HEXB: variants seen among roughly 807,000 people sequenced by gnomAD.
The protein encoded by HEXB is hexosaminidase subunit beta.
HEXB carries 51 observed loss-of-function variants against 71.2 expected under a neutral mutation model. That is an observed-to-expected ratio of 0.72 (90% CI 0.57 to 0.90). HEXB has a LOEUF of 0.90. Among genes scored for constraint, HEXB ranks in the 40% least tolerant of loss-of-function variants. The pLI is 0.00. For missense variants in HEXB, 617 were observed against 677.0 expected (o/e 0.91, Z 0.98); for synonymous variants, 266 against 249.3 (o/e 1.07, Z -0.63).
intron 1 of HEXB, among the ~76,000 whole-genome samples, chr5:74,647,730 G>C (rs927287800): frequency 6.6e-6 from 1 of 152,202 alleles, no homozygotes; most frequent in African/African-American, 2.4e-5. Flanking sequence ...TGACATATCA[G>C]GAGGAAATGG....
intron 6 of HEXB, 111 bp from the exon 7 acceptor site, chr5:74,713,395 T>C: frequency 1.0e-6 from 1 of 981,012 alleles, no homozygotes; most frequent in South Asian, 1.3e-5. Flanking sequence ...TAATACATTG[T>C]CATAGTGAAA....
chr5:74,695,417 A>G (rs895233213), intron 3 of HEXB, among the ~76,000 whole-genome samples: 3 of 150,754 alleles, frequency 2.0e-5, no homozygotes, highest in Non-Finnish European at 4.4e-5. Flanking sequence ...GTTAGCCAGG[A>G]TGGTCTCGAT....
At chr5:74,680,682 A>T (rs114113735), upstream of HEXB, among the ~76,000 whole-genome samples, 423 of 152,358 alleles carry the variant, frequency 2.8e-3, 1 homozygote, top group Non-Finnish European at 5.0e-3. Flanking sequence ...GAAAAATAAA[A>T]GCAAGGGAAA....
intron 1 of HEXB, among the ~76,000 whole-genome samples, chr5:74,677,024 T>C (rs886141271): frequency 6.6e-6 from 1 of 151,844 alleles, no homozygotes; most frequent in African/African-American, 2.4e-5. Flanking sequence ...GTAACTGGGA[T>C]TACAGGCGCC....
chr5:74,654,655 G>A (rs894177719), intron 1 of HEXB, among the ~76,000 whole-genome samples: 11 of 152,286 alleles, frequency 7.2e-5, no homozygotes, highest in African/African-American at 2.6e-4. Flanking sequence ...TCTAGAGGGG[G>A]AAACGAGGAA....
chr5:74,657,260 A>G (rs1287855039), intron 1 of HEXB, among the ~76,000 whole-genome samples: 1 of 152,104 alleles, frequency 6.6e-6, no homozygotes, highest in Non-Finnish European at 1.5e-5. Flanking sequence ...TCTCTGTTCC[A>G]GCCACACTGG....
intron 1 of HEXB, among the ~76,000 whole-genome samples, chr5:74,671,474 G>C (rs1748538138): frequency 6.6e-6 from 1 of 152,074 alleles, no homozygotes; most frequent in Admixed American, 6.6e-5. Context: ...AAACTAACCT[G>C]TAGTGACAGA....
chr5:74,664,122 G>A (rs1189640059), intron 1 of HEXB, among the ~76,000 whole-genome samples: 1 of 152,128 alleles, frequency 6.6e-6, no homozygotes, highest in African/African-American at 2.4e-5. Flanking sequence ...TGGGTGTGGT[G>A]GCGCATGCCT....
intron 7 of HEXB, 87 bp from the exon 8 acceptor site, chr5:74,715,423 T>A: frequency 1.1e-6 from 1 of 902,618 alleles, no homozygotes; most frequent in South Asian, 1.4e-5. Context: ...GTAGCTTCAA[T>A]AAAATGACGT....
chr5:74,650,261 G>A (rs570045481), intron 1 of HEXB, among the ~76,000 whole-genome samples: 2 of 152,274 alleles, frequency 1.3e-5, no homozygotes, highest in South Asian at 2.1e-4. Context: ...AACCTCAATC[G>A]TCTAGAAGCC....
intron 5 of HEXB, among the ~76,000 whole-genome samples, chr5:74,698,178 A>G (rs1749159492): frequency 6.6e-6 from 1 of 151,898 alleles, no homozygotes; most frequent in East Asian, 1.9e-4. Flanking sequence ...GACAGGTTCA[A>G]GCAATTCTCC....
chr5:74,691,422 A>C (rs963164247), intron 2 of HEXB, among the ~76,000 whole-genome samples: 2 of 152,232 alleles, frequency 1.3e-5, no homozygotes, highest in African/African-American at 4.8e-5. Context: ...CTCAATGTCC[A>C]TCAATAGAGG....
intron 1 of HEXB, among the ~76,000 whole-genome samples, chr5:74,674,006 C>T (rs1748585799): frequency 1.3e-5 from 2 of 152,164 alleles, no homozygotes; most frequent in Non-Finnish European, 1.5e-5. Flanking sequence ...ATGAACCACC[C>T]AGAAACACCA....
upstream of HEXB, among the ~76,000 whole-genome samples, chr5:74,684,681 T>C (rs868828888): frequency 0.01 from 1,539 of 147,082 alleles, 24 homozygotes; most frequent in African/African-American, 0.036. Context: ...TTTCTTTTTT[T>C]TTTTTTTTTT....
At chr5:74,674,807 T>A (rs1748602442) in intron 1 of HEXB, among the ~76,000 whole-genome samples, 1 of 152,144 alleles carries the variant, frequency 6.6e-6, no homozygotes, top group South Asian at 2.1e-4. Flanking sequence ...TCCAAAAAGC[T>A]TCTAAATTTT....
chr5:74,670,243 T>C (rs933114842), intron 1 of HEXB, among the ~76,000 whole-genome samples: 3 of 151,198 alleles, frequency 2.0e-5, no homozygotes, highest in African/African-American at 7.3e-5. Context: ...TTAGCCTCTT[T>C]TTTTTTTTTG....
intron 1 of HEXB, among the ~76,000 whole-genome samples, chr5:74,644,672 G>T (rs1747967687): frequency 6.7e-6 from 1 of 150,246 alleles, no homozygotes; most frequent in Admixed American, 6.6e-5. Flanking sequence ...ATTTTGGTTT[G>T]CCATCTTCTA....
At position 74,685,406 on chromosome 5, in the gene HEXB, C is replaced by T; in HGVS notation, c.146C>T (p.Ser49Leu). ...VAEAARAPSV[S>L]AKPGPALWPL... ...GAGGCGGCTCGGGCCCCGAGCGTCTCGGCCAAGCCGGGGCCGGCGCTGTGG... is the reference window on the plus strand; with the variant it reads ...GAGGCGGCTCGGGCCCCGAGCGTCTTGGCCAAGCCGGGGCCGGCGCTGTGG... The change falls in exon 1 of 14, where the codon TCG becomes TTG. Residue 49 changes from serine (S) to leucine (L), a missense_variant. Physicochemically the swap from Ser to Leu is moderately radical, Grantham distance 145. Coordinates refer to ENST00000261416, the MANE Select transcript of HEXB (RefSeq NM_000521.4). 6.3e-7 allele frequency: 1 copy of T among 1,596,654 alleles called. No homozygotes were observed. The highest frequency in any genetic ancestry group is 8.5e-7 in the Non-Finnish European group (1 of 1,173,800).
intron 5 of HEXB, among the ~76,000 whole-genome samples, chr5:74,703,643 C>T (rs1749313313): frequency 3.3e-5 from 5 of 152,012 alleles, no homozygotes; most frequent in Admixed American, 3.3e-4. Context: ...AACCATACCC[C>T]AAAGGCCAAA....
Sources: allele counts gnomAD v4.1 joint callset (sites outside exome capture counted in the v4.1 genomes callset), GRCh38; gene constraint gnomAD v4.1.1; transcripts MANE v1.5; gene names NCBI Gene and HGNC (gene_info 2026-07-23, HGNC 2026-07-21).